DACH2: variants seen among roughly 807,000 people sequenced by gnomAD.
The protein encoded by DACH2 is dachshund homolog 2.
DACH2 carries 17 observed loss-of-function variants against 35.8 expected under a neutral mutation model. That is an observed-to-expected ratio of 0.48 (90% CI 0.33 to 0.71). DACH2 has a LOEUF of 0.71. Ranked by LOEUF, DACH2 falls within the 30% of genes least tolerant of loss-of-function variation. The pLI is 0.02. For synonymous variants in DACH2, 195 were observed against 177.3 expected (o/e 1.10, Z -0.79); for missense variants, 469 against 472.7 (o/e 0.99, Z 0.07).
chrX:86,426,348 G>T (rs905024267), intron 2 of DACH2, among the ~76,000 whole-genome samples: 1 of 110,596 alleles, frequency 9.0e-6, no homozygotes, highest in African/African-American at 3.3e-5. Flanking sequence ...CCTCTGATTT[G>T]CTTCCTTTCT....
intron 1 of DACH2, among the ~76,000 whole-genome samples, chrX:86,277,470 T>C (rs2033939810): frequency 8.9e-6 from 1 of 112,423 alleles, no homozygotes; most frequent in Admixed American, 9.5e-5. Context: ...CTTTATTTTT[T>C]TTGCTAATGA....
chrX:86,359,974 C>CT (rs747253332), intron 1 of DACH2, among the ~76,000 whole-genome samples: 10 of 109,446 alleles, frequency 9.1e-5, no homozygotes, highest in Non-Finnish European at 1.7e-4. Flanking sequence ...CCTTGACCTC[C>CT]TGGGCTCTAG....
intron 2 of DACH2, among the ~76,000 whole-genome samples, chrX:86,513,155 A>G (rs2038418891): frequency 8.9e-6 from 1 of 111,893 alleles, no homozygotes; most frequent in African/African-American, 3.2e-5. Flanking sequence ...TGCAAAGTTG[A>G]TAGAGTGAGG....
chrX:86,568,221 C>A, intron 3 of DACH2, among the ~76,000 whole-genome samples: 1 of 111,248 alleles, frequency 9.0e-6, no homozygotes. Context: ...GGATAAATGT[C>A]ATTATACACT....
At chrX:86,394,412 G>A (rs554561342) in intron 2 of DACH2, among the ~76,000 whole-genome samples, 3 of 111,289 alleles carry the variant, frequency 2.7e-5, no homozygotes, top group African/African-American at 9.8e-5. Context: ...AATATCAATT[G>A]TTTTATGAAA....
chrX:86,300,695 AT>A (rs1360504870), intron 1 of DACH2, among the ~76,000 whole-genome samples: 6 of 112,195 alleles, frequency 5.3e-5, no homozygotes, highest in Middle Eastern at 9.2e-3. Context: ...TAATAAAAAA[AT>A]GTTTAGCCCA....
chrX:86,339,351 G>C (rs750272169), intron 1 of DACH2, among the ~76,000 whole-genome samples: 1 of 111,458 alleles, frequency 9.0e-6, no homozygotes, highest in African/African-American at 3.3e-5. Flanking sequence ...AATCTTAAAG[G>C]TTCATTTAGT....
At chrX:86,769,801 C>T (rs2041970176) in intron 7 of DACH2, among the ~76,000 whole-genome samples, 1 of 110,298 alleles carries the variant, frequency 9.1e-6, no homozygotes, top group African/African-American at 3.3e-5. Flanking sequence ...AATGCTGTTA[C>T]TGGTTTTGAA....
intron 3 of DACH2, among the ~76,000 whole-genome samples, chrX:86,517,134 G>T (rs2038480911): frequency 9.0e-6 from 1 of 111,465 alleles, no homozygotes; most frequent in African/African-American, 3.3e-5. Context: ...CTGCCATACT[G>T]CTTTTGACAA....
chrX:86,820,398 G>T (rs1008765725), intron 11 of DACH2, among the ~76,000 whole-genome samples: 2 of 111,092 alleles, frequency 1.8e-5, no homozygotes, highest in African/African-American at 3.3e-5. Context: ...ACTAGAAGTA[G>T]ATATTAAGTC....
intron 3 of DACH2, among the ~76,000 whole-genome samples, chrX:86,530,388 TAGG>T (rs1251890104): frequency 2.7e-5 from 3 of 111,919 alleles, no homozygotes; most frequent in African/African-American, 6.5e-5. Flanking sequence ...AGGAACCTGG[TAGG>T]AGATGATTGG....
At chrX:86,640,712 G>A (rs770657638) in intron 3 of DACH2, among the ~76,000 whole-genome samples, 5 of 111,154 alleles carry the variant, frequency 4.5e-5, no homozygotes, top group South Asian at 7.6e-4. Flanking sequence ...TTCAGAGCAC[G>A]AGAGGGAACA....
intron 1 of DACH2, among the ~76,000 whole-genome samples, chrX:86,288,956 G>A (rs1015722759): frequency 9.0e-6 from 1 of 111,095 alleles, no homozygotes; most frequent in East Asian, 2.9e-4. Flanking sequence ...AGTGGAAGGA[G>A]TCTTGCCCTG....
intron 1 of DACH2, among the ~76,000 whole-genome samples, chrX:86,272,934 G>T (rs1157483886): frequency 9.0e-6 from 1 of 111,142 alleles, no homozygotes; most frequent in African/African-American, 3.3e-5. Flanking sequence ...TTATGTTTTT[G>T]GGAGGAAGGA....
intron 1 of DACH2, among the ~76,000 whole-genome samples, chrX:86,360,720 A>C (rs2148081088): frequency 9.0e-6 from 1 of 111,070 alleles, no homozygotes; most frequent in Admixed American, 9.7e-5. Flanking sequence ...GATAGTAAAA[A>C]ATTTTCGTAA....
intron 1 of DACH2, among the ~76,000 whole-genome samples, chrX:86,179,772 A>G (rs959336194): frequency 9.0e-6 from 1 of 111,286 alleles, no homozygotes; most frequent in African/African-American, 3.3e-5. Context: ...ACGGTAAAGC[A>G]ATGAGATTGC....
chrX:86,505,854 G>T (rs1252580454), intron 2 of DACH2, among the ~76,000 whole-genome samples: 1 of 111,857 alleles, frequency 8.9e-6, no homozygotes, highest in Admixed American at 9.5e-5. Context: ...TGAAGTTAAT[G>T]AATTATCTGC....
chrX:86,630,554 C>T (rs1394195500), intron 3 of DACH2, among the ~76,000 whole-genome samples: 1 of 110,952 alleles, frequency 9.0e-6, no homozygotes, highest in Non-Finnish European at 1.9e-5. Context: ...AATAGATGCT[C>T]TTTTAACATT....
At chrX:86,394,552 T>C (rs919759543) in intron 2 of DACH2, among the ~76,000 whole-genome samples, 1 of 111,597 alleles carries the variant, frequency 9.0e-6, no homozygotes, top group African/African-American at 3.2e-5. Context: ...TTTTGAAAAA[T>C]TTGATATTTT....
Sources: gnomAD v4.1 joint callset for allele counts (sites outside exome capture counted in the v4.1 genomes callset) on GRCh38, gnomAD v4.1.1 for gene constraint, MANE v1.5 for transcripts, NCBI Gene and HGNC (gene_info 2026-07-23, HGNC 2026-07-21) for gene names.